Variants in SV2C observed in about 807,000 individuals in gnomAD.
SV2C encodes solute carrier family 22 member B3.
A neutral mutation model predicts 79.7 loss-of-function variants in SV2C; 49 were observed. That is an observed-to-expected ratio of 0.61 (90% CI 0.49 to 0.78). The LOEUF (loss-of-function observed/expected upper bound fraction) is 0.78. Ranked by LOEUF, SV2C falls within the 30% of genes least tolerant of loss-of-function variation. The pLI, the probability that SV2C is intolerant of heterozygous loss-of-function variation, is 0.00. For synonymous variants in SV2C, 334 were observed against 333.2 expected, an observed-to-expected ratio of 1.00 and a Z score of -0.03; for missense variants, 833 against 912.9, an observed-to-expected ratio of 0.91 and a Z score of 1.13.
chr5:76,146,802 A>T (rs1749445112), intron 2 of SV2C, among the ~76,000 whole-genome samples: 1 of 145,284 alleles, frequency 6.9e-6, no homozygotes, highest in African/African-American at 2.5e-5. Flanking sequence ...TTTTTTAAAA[A>T]AAAAAAAAAA....
intron 1 of SV2C, among the ~76,000 whole-genome samples, chr5:76,130,923 G>GACA (rs1333530640): frequency 1.3e-5 from 2 of 152,094 alleles, no homozygotes; most frequent in African/African-American, 4.8e-5. Flanking sequence ...GAAGGCCTGG[G>GACA]GGTAGTTTCT....
At chr5:75,981,996 C>T in the SV2C span, among the ~76,000 whole-genome samples, 50 of 146,124 alleles carry the variant, frequency 3.4e-4, 1 homozygote, top group Middle Eastern at 7.4e-3. Context: ...ATTCAGCATC[C>T]GCATATTCTC....
chr5:76,195,666 TAAAG>T (rs1744251076), intron 3 of SV2C, among the ~76,000 whole-genome samples: 1 of 152,186 alleles, frequency 6.6e-6, no homozygotes, highest in Admixed American at 6.5e-5. Flanking sequence ...TCATTTTCTT[TAAAG>T]AGCTTAAAGC....
chr5:76,227,991 G>A (rs1435817610), intron 4 of SV2C, among the ~76,000 whole-genome samples: 5 of 152,128 alleles, frequency 3.3e-5, no homozygotes, highest in African/African-American at 1.2e-4. Flanking sequence ...TCATTGCTAA[G>A]CTACTGCAAG....
the SV2C span, among the ~76,000 whole-genome samples, chr5:75,984,796 G>A: frequency 6.6e-6 from 1 of 151,992 alleles, no homozygotes; most frequent in Non-Finnish European, 1.5e-5. Context: ...CAATACACAA[G>A]CAAAATTTCT....
rs1438248483 is a variant in SV2C, at chr5:76,176,380, AG to A, written c.581-18537del. ...AGCCATATTGTAGGTGACATGCTCC[AG>A]GACACACAGAATTTATGTCCTTGTG... On this transcript the variant is annotated intron_variant, in intron 2 of 12. Coordinates refer to ENST00000502798, the MANE Select transcript of SV2C (RefSeq NM_014979.4). 2.1e-4 allele frequency among the ~76,000 whole-genome samples: 32 copies of A among 152,304 alleles called. No individual in the cohort carries two copies. In the East Asian group the frequency reaches 6.2e-3, roughly 29 times the overall value.
At chr5:76,339,039 T>C (rs1749387113) in intron 12 of SV2C, among the ~76,000 whole-genome samples, 1 of 152,126 alleles carries the variant, frequency 6.6e-6, no homozygotes, top group African/African-American at 2.4e-5. Flanking sequence ...AGACACTGTG[T>C]CACCATTGCT....
chr5:76,259,756 T>C (rs571811183), intron 4 of SV2C, among the ~76,000 whole-genome samples: 1 of 152,328 alleles, frequency 6.6e-6, no homozygotes, highest in South Asian at 2.1e-4. Flanking sequence ...GCTTCATCCA[T>C]GTCCCTGCAA....
chr5:75,941,923 G>A, the SV2C span, among the ~76,000 whole-genome samples: 1 of 152,330 alleles, frequency 6.6e-6, no homozygotes, highest in Admixed American at 6.5e-5. Context: ...GCACAGAGAG[G>A]CCAGGAAGAA....
At chr5:76,166,424 G>C (rs1743048525) in intron 2 of SV2C, among the ~76,000 whole-genome samples, 1 of 152,182 alleles carries the variant, frequency 6.6e-6, no homozygotes, top group South Asian at 2.1e-4. Flanking sequence ...TGATTGTAAA[G>C]AGATAGAAGG....
the SV2C span, among the ~76,000 whole-genome samples, chr5:75,909,037 G>A: frequency 6.6e-6 from 1 of 152,212 alleles, no homozygotes; most frequent in Admixed American, 6.5e-5. Context: ...GAGGTAAGAA[G>A]TTGAACATTA....
At position 76,300,602 on chromosome 5, in the gene SV2C, G is replaced by A. The variant is rs906218927; in HGVS notation, c.1637-127G>A. On this transcript the variant is annotated intron_variant, in intron 10 of 12. Coordinates refer to ENST00000502798, the MANE Select transcript of SV2C (RefSeq NM_014979.4). Reference sequence around the variant, plus strand: ...CCAGAAGACCCAAAAAGTCAAGCTAGCATAGGCCTGAAAGCCCTCAAGGAA... The same window carrying A: ...CCAGAAGACCCAAAAAGTCAAGCTAACATAGGCCTGAAAGCCCTCAAGGAA... 4.3e-6 allele frequency: 4 copies of A among 921,940 alleles called. No homozygotes were observed. In the African/African-American group the frequency reaches 5.0e-5, roughly 11 times the overall value. The allele number at this position is 921,940 out of a possible 1,614,324, so 57.1% of individuals were successfully genotyped here. A position where few individuals can be genotyped will look rare whatever the true frequency, so the allele number is the denominator to read the frequency against.
intron 4 of SV2C, among the ~76,000 whole-genome samples, chr5:76,251,673 TACTC>T (rs1003195189): frequency 6.6e-6 from 1 of 152,172 alleles, no homozygotes; most frequent in African/African-American, 2.4e-5. Flanking sequence ...CCCCAGGTGA[TACTC>T]ACTCTGCTGA....
the SV2C span, among the ~76,000 whole-genome samples, chr5:76,014,042 C>A: frequency 1.3e-5 from 2 of 151,492 alleles, no homozygotes; most frequent in African/African-American, 2.4e-5. Context: ...AGCACTTCTA[C>A]CAGCTAAATG....
chr5:76,248,654 T>C (rs1746019895), intron 4 of SV2C, among the ~76,000 whole-genome samples: 1 of 151,358 alleles, frequency 6.6e-6, no homozygotes, highest in Non-Finnish European at 1.5e-5. Context: ...GGCCTTGCTC[T>C]GTCACCCAGG....
At chr5:76,070,367 T>C in the SV2C span, among the ~76,000 whole-genome samples, 1 of 152,158 alleles carries the variant, frequency 6.6e-6, no homozygotes, top group African/African-American at 2.4e-5. Flanking sequence ...CAGGCCTTGT[T>C]CTATCAGGCA....
Position 76,174,733 on chromosome 5 carries a change from C to T in SV2C, c.581-20186C>T, listed in dbSNP as rs150391929. On this transcript the variant is annotated intron_variant, in intron 2 of 12. Transcript: ENST00000502798. Reference sequence around the variant, plus strand: ...CTGCACGAAAGCATAGTTCGTGGACCCCTGCTACAAACCTGCACATTCTTT... The same window carrying T: ...CTGCACGAAAGCATAGTTCGTGGACTCCTGCTACAAACCTGCACATTCTTT... Among the ~76,000 whole-genome samples the T allele has an allele frequency of 2.4e-4, 36 of 152,256 alleles. No homozygotes were observed. In the East Asian group the frequency reaches 6.6e-3, roughly 28 times the overall value.
At chr5:75,940,009 A>G in the SV2C span, among the ~76,000 whole-genome samples, 7 of 152,280 alleles carry the variant, frequency 4.6e-5, no homozygotes, top group South Asian at 2.1e-4. Flanking sequence ...TCCTGCGACT[A>G]TCATTCCATG....
the SV2C span, among the ~76,000 whole-genome samples, chr5:75,855,598 CTT>C: frequency 3.9e-5 from 6 of 151,952 alleles, no homozygotes; most frequent in Admixed American, 6.6e-5. Context: ...ATATTTCAAA[CTT>C]TATTATTATT....
Sources: gnomAD v4.1 joint callset for allele counts (sites outside exome capture counted in the v4.1 genomes callset) on GRCh38, gnomAD v4.1.1 for gene constraint, MANE v1.5 for transcripts, NCBI Gene and HGNC (gene_info 2026-07-23, HGNC 2026-07-21) for gene names.